The following ANKAR variants were observed in gnomAD, a reference collection of about 807,000 sequenced individuals.
ANKAR encodes the protein ankyrin and armadillo repeat-containing protein.
In ANKAR, 136 loss-of-function variants were observed where a neutral mutation model predicts 146.2. The ratio of observed to expected loss-of-function variants is 0.93; its 90% CI spans 0.81 to 1.07. The LOEUF (loss-of-function observed/expected upper bound fraction) is 1.07, where lower values mean the gene tolerates loss of function less well. Ranked by LOEUF, ANKAR falls within the 50% of genes least tolerant of loss-of-function variation. ANKAR has a pLI of 0.00. For missense variants in ANKAR, 1,567 were observed against 1,679.9 expected (o/e 0.93, Z 1.18); for synonymous variants, 500 against 575.8 (o/e 0.87, Z 1.88).
At chr2:189,755,419 A>T (rs928978578) in intron 18 of ANKAR, 2 of 1,609,906 alleles carry the variant, frequency 1.2e-6, no homozygotes, top group Non-Finnish European at 1.7e-6. Flanking sequence ...CCAGGCTTAA[A>T]GCAAGTCCTG....
chr2:189,738,732 A>G (rs978358809), intron 19 of ANKAR, 50 bp downstream of exon 19: 1 of 1,186,532 alleles, frequency 8.4e-7, no homozygotes, highest in African/African-American at 1.5e-5. Context: ...TATTTTCAAA[A>G]ACAGTTTATT....
At chr2:189,718,312 A>ATG (rs2040780943) in intron 10 of ANKAR, among the ~76,000 whole-genome samples, 1 of 49,774 alleles carries the variant, frequency 2.0e-5, no homozygotes, top group Non-Finnish European at 4.2e-5. Context: ...CTATCTATAT[A>ATG]TCTATCTGTC....
intron 1 of ANKAR, 139 bp downstream of exon 1, chr2:189,674,969 C>T (rs931860280): frequency 6.6e-6 from 1 of 152,264 alleles, no homozygotes; most frequent in Admixed American, 6.5e-5. Context: ...CAGACTTGTC[C>T]TGCAACCTCC....
Position 189,728,317 on chromosome 2 carries a change from G to C in ANKAR, c.2928G>C (p.Leu976Phe). The C allele has an allele frequency of 6.2e-7, 1 of 1,613,152 alleles. No individual in the cohort carries two copies. The highest frequency in any genetic ancestry group is 8.5e-7 in the Non-Finnish European group (1 of 1,179,718). The stretch of plus-strand genomic sequence containing the variant: ...AAGGAGCTGTTGCACTTTGGGCCTT[G>C]GCAGGACAAACACTAAAACAACAAA... ...KEQGAVALWA[L>F]AGQTLKQQKY... is the part of the protein sequence containing the mutation. Residue 976 changes from leucine to phenylalanine, a missense_variant, in exon 14 of 23, where the codon TTG becomes TTC. Coordinates refer to ENST00000684021, the MANE Select transcript of ANKAR (RefSeq NM_001378068.1).
At chr2:189,712,844 C>T (rs993511560) in intron 10 of ANKAR, among the ~76,000 whole-genome samples, 11 of 152,062 alleles carry the variant, frequency 7.2e-5, no homozygotes, top group African/African-American at 1.9e-4. Flanking sequence ...GCAGGATATT[C>T]GAACCCATCA....
Position 189,720,205 on chromosome 2 carries a change from C to T in ANKAR, c.2466+392C>T, listed in dbSNP as rs190478137. Among the ~76,000 whole-genome samples, 330 of 152,204 alleles carry T rather than the reference C, an allele frequency of 2.2e-3. 3 individuals are homozygous for T. The highest frequency in any genetic ancestry group is 1.1e-3 in the Non-Finnish European group (78 of 68,004). On this transcript the variant is annotated intron_variant, in intron 11 of 22. Transcript: ENST00000684021. Reference sequence around the variant, plus strand: ...CATTTGTTTGTGGCACTCATTCTCTCCCAAATAGTTATTTACAGCAAGAAA... The same window carrying T: ...CATTTGTTTGTGGCACTCATTCTCTTCCAAATAGTTATTTACAGCAAGAAA...
rs763918063 is a variant in ANKAR, at chr2:189,674,764, TCTC to T, written c.-101_-99del. 1 of 152,296 alleles carries T rather than the reference TCTC, an allele frequency of 6.6e-6. No homozygotes were observed. Among genetic ancestry groups the T allele is most frequent in the African/African-American group, 2.4e-5 (1 of 41,458 alleles). The allele number at this position is 152,296 out of a possible 1,614,324, so 9.4% of individuals were successfully genotyped here. A position where few individuals can be genotyped will look rare whatever the true frequency, so the allele number is the denominator to read the frequency against. On this transcript the variant is annotated 5_prime_UTR_variant, in exon 1 of 23. Transcript: ENST00000684021. Reference sequence around the variant, plus strand: ...AGCCATCTGAGGCGGCGACGACTGTTCTCAGCCCCACGGGAACGCCGCGGACGC... The same window carrying T: ...AGCCATCTGAGGCGGCGACGACTGTTAGCCCCACGGGAACGCCGCGGACGC...
At chr2:189,700,577 A>G (rs2037917849) in intron 7 of ANKAR, among the ~76,000 whole-genome samples, 1 of 152,152 alleles carries the variant, frequency 6.6e-6, no homozygotes, top group South Asian at 2.1e-4. Flanking sequence ...TTATGTTAAA[A>G]TATACAATTA....
intron 3 of ANKAR, 145 bp from the exon 4 acceptor site, chr2:189,692,110 T>A (rs375590158): frequency 3.1e-6 from 2 of 640,080 alleles, no homozygotes; most frequent in East Asian, 6.0e-5. Context: ...ACAGCATAAA[T>A]AATTTTATGC....
At chr2:189,683,473 G>T (rs1394959787) in intron 2 of ANKAR, among the ~76,000 whole-genome samples, 1 of 152,222 alleles carries the variant, frequency 6.6e-6, no homozygotes, top group Non-Finnish European at 1.5e-5. Flanking sequence ...TCAAGTCTGT[G>T]TGGAGCAAAA....
At chr2:189,707,474 A>AT (rs1330782439) in intron 9 of ANKAR, among the ~76,000 whole-genome samples, 1 of 148,696 alleles carries the variant, frequency 6.7e-6, no homozygotes, top group Non-Finnish European at 1.5e-5. Context: ...AAAAAAAAAA[A>AT]AGGAAAGAGG....
intron 8 of ANKAR, among the ~76,000 whole-genome samples, chr2:189,706,328 A>G (rs566686954): frequency 3.2e-4 from 48 of 152,110 alleles, no homozygotes; most frequent in Admixed American, 2.0e-3. Flanking sequence ...AGAGCCTGCA[A>G]TGAGCTGAGG....
intron 18 of ANKAR, chr2:189,761,052 T>C (rs1453843987): frequency 6.4e-6 from 1 of 156,718 alleles, no homozygotes; most frequent in African/African-American, 2.4e-5. Flanking sequence ...TAATACAAGT[T>C]ATATGTATAA....
intron 18 of ANKAR, among the ~76,000 whole-genome samples, chr2:189,756,895 T>C (rs1302552124): frequency 6.6e-6 from 1 of 152,236 alleles, no homozygotes; most frequent in Admixed American, 6.5e-5. Flanking sequence ...TTTAGTTTCA[T>C]GGAATTTGGG....
rs758876343 is a variant in ANKAR, at chr2:189,728,321, G to A, written c.2932G>A (p.Gly978Arg). The A allele has an allele frequency of 6.2e-7, 1 of 1,613,072 alleles. No individual in the cohort carries two copies. The highest frequency in any genetic ancestry group is 2.2e-5 in the East Asian group (1 of 44,880). ...QGAVALWALA[G>R]QTLKQQKYMA... ...AGCTGTTGCACTTTGGGCCTTGGCA[G>A]GACAAACACTAAAACAACAAAAATA... Residue 978 changes from glycine (G) to arginine (R), a missense_variant, in exon 14 of 23, where the codon GGA (glycine) becomes AGA (arginine). By Grantham distance (125) the Gly-to-Arg change is moderately radical. Transcript: ENST00000684021.
At chr2:189,739,618 C>T (rs981827306) in intron 19 of ANKAR, among the ~76,000 whole-genome samples, 9 of 150,164 alleles carry the variant, frequency 6.0e-5, no homozygotes, top group Non-Finnish European at 1.5e-5. Context: ...GGCTGGAGTG[C>T]AGTGGTGCGA....
downstream of ANKAR, chr2:189,762,783 C>T (rs1574951789): frequency 2.0e-6 from 2 of 985,434 alleles, no homozygotes; most frequent in Non-Finnish European, 2.4e-6. Context: ...ACCTGGCGCC[C>T]GGAAGTGATG....
chr2:189,716,838 G>C (rs1322174389), intron 10 of ANKAR, among the ~76,000 whole-genome samples: 1 of 151,866 alleles, frequency 6.6e-6, no homozygotes, highest in Non-Finnish European at 1.5e-5. Context: ...AAGCAATGGG[G>C]AAAGGATTCC....
intron 7 of ANKAR, among the ~76,000 whole-genome samples, chr2:189,701,510 C>T (rs2038049220): frequency 1.3e-5 from 2 of 152,222 alleles, no homozygotes; most frequent in African/African-American, 4.8e-5. Flanking sequence ...GCTGGAATTA[C>T]AGGAGTGAGC....
Sources: allele counts gnomAD v4.1 joint callset (sites outside exome capture counted in the v4.1 genomes callset), GRCh38; gene constraint gnomAD v4.1.1; transcripts MANE v1.5; gene names NCBI Gene and HGNC (gene_info 2026-07-23, HGNC 2026-07-21).